Variants in DCC observed in about 807,000 individuals in gnomAD.
DCC encodes netrin receptor DCC.
Under a neutral mutation model 172.5 loss-of-function variants are expected in DCC, and 58 were observed. The observed-to-expected ratio is 0.34, with a 90% CI of 0.27 to 0.42. DCC has a LOEUF of 0.42. Among genes scored for constraint, DCC ranks in the 10% least tolerant of loss-of-function variants. The pLI is 1.00. For missense variants in DCC, 1,740 were observed against 1,791.0 expected (o/e 0.97, Z 0.51); for synonymous variants, 709 against 644.5 (o/e 1.10, Z -1.52).
At chr18:53,180,327 A>G (rs1324061043) in intron 9 of DCC, among the ~76,000 whole-genome samples, 3 of 152,344 alleles carry the variant, frequency 2.0e-5, no homozygotes, top group Middle Eastern at 6.8e-3. Context: ...TTTGCCTCAC[A>G]GAAATAAAAA....
At chr18:53,375,616 C>CCTTTTTTTTTTTTTTTTTTTTTTT (rs1555660825) in intron 15 of DCC, among the ~76,000 whole-genome samples, 1 of 123,086 alleles carries the variant, frequency 8.1e-6, no homozygotes, top group Non-Finnish European at 1.6e-5. Context: ...ATATTTAATT[C>CCTTTTTTTTTTTTTTTTTTTTTTT]TTTTTTTTTT....
intron 2 of DCC, among the ~76,000 whole-genome samples, chr18:52,871,457 C>A (rs963841361): frequency 6.6e-6 from 1 of 152,044 alleles, no homozygotes; most frequent in South Asian, 2.1e-4. Flanking sequence ...CCCTAGGCTA[C>A]CCCTCTTTTT....
chr18:52,466,506 A>G (rs972526595), intron 1 of DCC, among the ~76,000 whole-genome samples: 1 of 152,142 alleles, frequency 6.6e-6, no homozygotes, highest in African/African-American at 2.4e-5. Flanking sequence ...AGGATACTTT[A>G]AAGGAACAGT....
At chr18:53,222,235 G>A (rs771361179) in intron 12 of DCC, among the ~76,000 whole-genome samples, 1 of 152,012 alleles carries the variant, frequency 6.6e-6, no homozygotes, top group Non-Finnish European at 1.5e-5. Flanking sequence ...ACTGCTTTCT[G>A]TAATTAAGTT....
At chr18:52,799,275 G>C (rs1254634432) in intron 2 of DCC, among the ~76,000 whole-genome samples, 1 of 152,166 alleles carries the variant, frequency 6.6e-6, no homozygotes, top group Non-Finnish European at 1.5e-5. Context: ...GCATTGAACT[G>C]CTTCAGATTG....
rs35143538 is a variant in DCC, at chr18:52,980,944, ATT to A, written c.985+55588_985+55589del. 6.3e-3 allele frequency among the ~76,000 whole-genome samples: 912 copies of A among 145,628 alleles called. 4 individuals are homozygous for A. The highest frequency in any genetic ancestry group is 0.013 in the African/African-American group (537 of 39,858). ...TGTTTCAGAAAACAAACATACTGCT[ATT>A]TTTTTTTTTTTTTACTAAATACAAC... On this transcript the variant is annotated intron_variant, in intron 5 of 28. Transcript: ENST00000442544.
chr18:52,735,316 C>G (rs1342948945), intron 1 of DCC, among the ~76,000 whole-genome samples: 1 of 152,120 alleles, frequency 6.6e-6, no homozygotes, highest in Non-Finnish European at 1.5e-5. Flanking sequence ...CCATTTTACA[C>G]CAAGTTATTT....
intron 7 of DCC, among the ~76,000 whole-genome samples, chr18:53,137,775 T>A (rs1361678248): frequency 6.6e-6 from 1 of 152,092 alleles, no homozygotes; most frequent in African/African-American, 2.4e-5. Flanking sequence ...TACTTAATAA[T>A]TTTAGCAGAA....
At chr18:52,485,667 T>C (rs774440087) in intron 1 of DCC, among the ~76,000 whole-genome samples, 6 of 152,140 alleles carry the variant, frequency 3.9e-5, no homozygotes, top group Non-Finnish European at 8.8e-5. Flanking sequence ...GTGTTTCATT[T>C]GGTATATTTT....
intron 8 of DCC, among the ~76,000 whole-genome samples, chr18:53,176,505 A>G (rs912411276): frequency 2.0e-5 from 3 of 150,626 alleles, no homozygotes; most frequent in Admixed American, 6.6e-5. Context: ...AACCCCATCA[A>G]AAAGTGGGCA....
intron 1 of DCC, among the ~76,000 whole-genome samples, chr18:52,616,027 G>A (rs910966939): frequency 2.0e-5 from 3 of 152,010 alleles, no homozygotes; most frequent in Non-Finnish European, 1.5e-5. Flanking sequence ...AGAACAGAGG[G>A]TTTCTGTATA....
At chr18:52,777,468 C>A (rs746359993) in intron 2 of DCC, among the ~76,000 whole-genome samples, 8 of 152,184 alleles carry the variant, frequency 5.3e-5, no homozygotes, top group Non-Finnish European at 1.0e-4. Flanking sequence ...AAATTCCCAT[C>A]TGTGTGTCTC....
At chr18:53,508,484 C>T (rs1532708) in intron 27 of DCC, among the ~76,000 whole-genome samples, 6,289 of 152,282 alleles carry the variant, frequency 0.041, 430 homozygotes, top group African/African-American at 0.14. Flanking sequence ...TGAGCCACCG[C>T]GCCTGGCTAA....
At chr18:52,782,258 A>G (rs916262361) in intron 2 of DCC, among the ~76,000 whole-genome samples, 1 of 152,146 alleles carries the variant, frequency 6.6e-6, no homozygotes, top group Non-Finnish European at 1.5e-5. Flanking sequence ...AAGCTTAGAA[A>G]GTAATGATAT....
At chr18:52,908,217 G>C (rs1490504610) in intron 3 of DCC, among the ~76,000 whole-genome samples, 1 of 152,148 alleles carries the variant, frequency 6.6e-6, no homozygotes, top group African/African-American at 2.4e-5. Context: ...CAATTCAATT[G>C]AAAGTTTCCA....
At chr18:52,524,650 T>G (rs112554212) in intron 1 of DCC, among the ~76,000 whole-genome samples, 8,841 of 152,300 alleles carry the variant, frequency 0.058, 330 homozygotes, top group Middle Eastern at 0.11. Context: ...AATAAATCAA[T>G]TATATGCTCA....
chr18:52,913,632 C>A (rs1218953840), intron 3 of DCC, among the ~76,000 whole-genome samples: 1 of 152,028 alleles, frequency 6.6e-6, no homozygotes, highest in Non-Finnish European at 1.5e-5. Context: ...TTGAGATTGT[C>A]CTCCACGTAA....
intron 25 of DCC, among the ~76,000 whole-genome samples, chr18:53,480,454 A>G (rs2045818546): frequency 1.3e-5 from 2 of 152,228 alleles, no homozygotes; most frequent in Non-Finnish European, 2.9e-5. Context: ...TTTCAGGGTC[A>G]TACTTCCCTC....
rs375048798 is a variant in DCC, at chr18:52,676,408, A to G, written c.92-75646A>G. Among the ~76,000 whole-genome samples, 8 of 152,336 alleles carry G rather than the reference A, an allele frequency of 5.3e-5. No individual in the cohort carries two copies. The East Asian group carries it at 7.7e-4, about 15-fold the overall frequency. On this transcript the variant is annotated intron_variant, in intron 1 of 28. Coordinates refer to ENST00000442544, the MANE Select transcript of DCC (RefSeq NM_005215.4). ...TATTGACAGTAATAGCAAATCAGACAGATTAATTATTTATATCATAATCTG... is the reference window on the plus strand; with the variant it reads ...TATTGACAGTAATAGCAAATCAGACGGATTAATTATTTATATCATAATCTG...
Sources: gnomAD v4.1 joint callset for allele counts (sites outside exome capture counted in the v4.1 genomes callset) on GRCh38, gnomAD v4.1.1 for gene constraint, MANE v1.5 for transcripts, NCBI Gene and HGNC (gene_info 2026-07-23, HGNC 2026-07-21) for gene names.